GOLGB1: variants seen among roughly 807,000 people sequenced by gnomAD.
GOLGB1 encodes the protein golgin subfamily B member 1.
In GOLGB1, 174 loss-of-function variants were observed where a neutral mutation model predicts 336.9. That is an observed-to-expected ratio of 0.52 (90% CI 0.46 to 0.59). GOLGB1 has a LOEUF of 0.59. GOLGB1 is among the 20% of genes least tolerant of loss of function. GOLGB1 has a pLI of 0.00. For missense variants in GOLGB1, 3,331 were observed against 3,645.3 expected, an observed-to-expected ratio of 0.91 and a Z score of 2.22; for synonymous variants, 1,208 against 1,289.2, an observed-to-expected ratio of 0.94 and a Z score of 1.35.
intron 6 of GOLGB1, among the ~76,000 whole-genome samples, chr3:121,721,350 A>C (rs55643643): frequency 0.21 from 32,242 of 151,312 alleles, 4,090 homozygotes; most frequent in Non-Finnish European, 0.29. Flanking sequence ...CCCACCCCCC[A>C]AAAAAAATTA....
rs983694042 is a variant in GOLGB1, at chr3:121,702,397, T to C, written c.1519+84A>G. On this transcript the variant is annotated intron_variant, in intron 11 of 21. Coordinates refer to ENST00000614479, the MANE Select transcript of GOLGB1 (RefSeq NM_001366282.2). Reference sequence around the variant, plus strand: ...TTATTATCACGGAATCAGAGAATTCTACATGTTATACATAATTAGTGATAA... The same window carrying C: ...TTATTATCACGGAATCAGAGAATTCCACATGTTATACATAATTAGTGATAA... 5 of 505,264 alleles carry C rather than the reference T, an allele frequency of 9.9e-6. No individual in the cohort carries two copies. The Admixed American group carries it at 1.6e-4, about 17-fold the overall frequency. The allele number at this position is 505,264 out of a possible 1,614,324, so 31.3% of individuals were successfully genotyped here.
Position 121,691,546 on chromosome 3 carries a change from A to G in GOLGB1, c.7818T>C (p.Ser2606=), listed in dbSNP as rs762968595. The change falls in exon 14 of 22, where the codon TCT becomes TCC. Residue 2606 remains serine, a synonymous_variant. Transcript: ENST00000614479. ...ATACTTTCAAACTCTCAATCTCTTT[A>G]GATAAATCTTGTTTCTCTTCTTGTA... ...NALQEEKQDL[S]KEIESLKVSI... is the part of the protein sequence containing the mutation. 5.8e-5 allele frequency: 93 copies of G among 1,612,856 alleles called. No individual in the cohort carries two copies. Among genetic ancestry groups the G allele is most frequent in the Non-Finnish European group, 7.5e-5 (88 of 1,179,712 alleles).
At chr3:121,673,416 T>C (rs781664734) in intron 17 of GOLGB1, among the ~76,000 whole-genome samples, 11 of 152,214 alleles carry the variant, frequency 7.2e-5, no homozygotes, top group Admixed American at 2.0e-4. Flanking sequence ...TTAGGAGTTT[T>C]TGTGGTTACA....
chr3:121,700,736 C>A (rs929051112), intron 11 of GOLGB1, among the ~76,000 whole-genome samples: 1 of 151,980 alleles, frequency 6.6e-6, no homozygotes, highest in Non-Finnish European at 1.5e-5. Flanking sequence ...CTGCTTTTTT[C>A]TCTGCCTGGA....
At chr3:121,733,105 C>T (rs898955415) in intron 1 of GOLGB1, among the ~76,000 whole-genome samples, 1 of 151,644 alleles carries the variant, frequency 6.6e-6, no homozygotes, top group Non-Finnish European at 1.5e-5. Context: ...GGGCGGATCA[C>T]GAGGTCAGGA....
rs550435916 is a variant in GOLGB1 at position 121,724,239 on chromosome 3, A to G, written c.532-1861T>C. Among the ~76,000 whole-genome samples, 5 of 152,336 alleles carry G rather than the reference A, an allele frequency of 3.3e-5. No individual in the cohort carries two copies. In the East Asian group the frequency reaches 7.7e-4, roughly 23 times the overall value. On this transcript the variant is annotated intron_variant, in intron 5 of 21. Coordinates refer to ENST00000614479, the MANE Select transcript of GOLGB1 (RefSeq NM_001366282.2). ...AAGATAAGACAACTACAGAAAGCTT[A>G]GCACTCCTTGGAGATTGGTTAAGCG...
Position 121,697,686 on chromosome 3 carries a change from G to C in GOLGB1, c.2837C>G (p.Ala946Gly). 1 of 1,613,184 alleles carries C rather than the reference G, an allele frequency of 6.2e-7. No homozygotes were observed. The highest frequency in any genetic ancestry group is 8.5e-7 in the Non-Finnish European group (1 of 1,179,844). The stretch of plus-strand genomic sequence containing the variant: ...CACCTGCTCTTTTTTTGCTTCCTCA[G>C]CTCTGGATAATAAATTTAGCTGTTC... ...LKEQLNLLSR[A>G]EEAKKEQVEE... The change falls in exon 13 of 22, where the codon GCT becomes GGT. Residue 946 changes from alanine (A) to glycine (G), a missense_variant. Ala to Gly is a moderately conservative substitution (Grantham distance 60, BLOSUM62 0). Coordinates refer to ENST00000614479, the MANE Select transcript of GOLGB1 (RefSeq NM_001366282.2).
intron 10 of GOLGB1, among the ~76,000 whole-genome samples, chr3:121,709,767 G>A (rs1231713176): frequency 1.3e-5 from 2 of 151,982 alleles, no homozygotes; most frequent in Non-Finnish European, 2.9e-5. Flanking sequence ...ATAAAAAGAA[G>A]AGCAAAGTAA....
At position 121,667,479 on chromosome 3, in the gene GOLGB1, C is replaced by G; in HGVS notation, c.9551G>C (p.Arg3184Thr). 6.2e-7 allele frequency: 1 copy of G among 1,613,844 alleles called. No homozygotes were observed. The highest frequency in any genetic ancestry group is 8.5e-7 in the Non-Finnish European group (1 of 1,179,818). Residue 3184 changes from arginine (R) to threonine (T), a missense_variant, in exon 20 of 22, where the codon AGA becomes ACA. Arg to Thr is a moderately conservative substitution (Grantham distance 71). Transcript: ENST00000614479. ...NALSVAEEQI[R>T]RLEHSEWDSS... is the part of the protein sequence containing the mutation. Reference sequence around the variant, plus strand: ...GGCTATCTCCTTCAGCCTTTACCGTCTGATCTGCTCCTCGGCCACAGAGAG... The same window carrying G: ...GGCTATCTCCTTCAGCCTTTACCGTGTGATCTGCTCCTCGGCCACAGAGAG...
chr3:121,734,298 A>G (rs570488652), intron 1 of GOLGB1, among the ~76,000 whole-genome samples: 129 of 151,932 alleles, frequency 8.5e-4, no homozygotes, highest in African/African-American at 3.1e-3. Flanking sequence ...GCTGAGGCAC[A>G]AGAATCGGTT....
chr3:121,699,423 G>T (rs1248410566), intron 12 of GOLGB1, among the ~76,000 whole-genome samples: 2 of 152,040 alleles, frequency 1.3e-5, no homozygotes, highest in Admixed American at 6.6e-5. Context: ...GTAATTTTCA[G>T]ATTATTAAAA....
At chr3:121,672,365 A>G (rs1939662952) in intron 17 of GOLGB1, among the ~76,000 whole-genome samples, 1 of 152,132 alleles carries the variant, frequency 6.6e-6, no homozygotes. Context: ...TTGATTTACA[A>G]TTCTCTGATG....
chr3:121,664,338 T>G lies in GOLGB1; in HGVS notation c.*142A>C, dbSNP rs1938284410. On this transcript the variant is annotated 3_prime_UTR_variant, in exon 22 of 22. Coordinates refer to ENST00000614479, the MANE Select transcript of GOLGB1 (RefSeq NM_001366282.2). ...TCCAACCTGTCCTCGTATCCACCTC[T>G]GTTTTTGCAGGCACTTTCCGTGAAG... The G allele has an allele frequency of 1.3e-6, 1 of 756,786 alleles. No individual in the cohort carries two copies. The highest frequency in any genetic ancestry group is 2.3e-6 in the Non-Finnish European group (1 of 439,532). The allele number at this position is 756,786 out of a possible 1,614,324, so 46.9% of individuals were successfully genotyped here. A position where few individuals can be genotyped will look rare whatever the true frequency, so the allele number is the denominator to read the frequency against.
Position 121,692,343 on chromosome 3 carries a change from C to T in GOLGB1, c.7021G>A (p.Gly2341Arg), listed in dbSNP as rs896252301. ...TGCCTTATGATCCCTTCCAAGTTTC[C>T]TTTTTGTTCCTTACATTTTTCTAAA... ...NSLEKCKEQK[G>R]NLEGIIRQQE... Residue 2341 changes from glycine (G) to arginine (R), a missense_variant, in exon 14 of 22, where the codon GGA becomes AGA. Coordinates refer to ENST00000614479, the MANE Select transcript of GOLGB1 (RefSeq NM_001366282.2). The T allele has an allele frequency of 3.1e-6, 5 of 1,605,318 alleles. No individual in the cohort carries two copies. Among genetic ancestry groups the T allele is most frequent in the Non-Finnish European group, 3.4e-6 (4 of 1,177,788 alleles).
intron 5 of GOLGB1, among the ~76,000 whole-genome samples, chr3:121,724,051 A>T (rs985683622): frequency 5.3e-5 from 8 of 152,172 alleles, no homozygotes; most frequent in African/African-American, 1.9e-4. Flanking sequence ...CGCAAGAGAA[A>T]ACGGACTAAA....
intron 14 of GOLGB1, 72 bp from the exon 15 acceptor site, chr3:121,681,937 C>T: frequency 5.0e-6 from 5 of 1,006,236 alleles, no homozygotes; most frequent in East Asian, 2.4e-5. Context: ...ATTGGTAGCT[C>T]CCTACTAAGT....
At position 121,676,823 on chromosome 3, in the gene GOLGB1, C is replaced by A. The variant is rs981047381; in HGVS notation, c.9177+70G>T. ...CAGCTGGGACTCTATGCTGAATTGGCTTCTACTTGCCTTCTTGTTCCAGTC... is the reference window on the plus strand; with the variant it reads ...CAGCTGGGACTCTATGCTGAATTGGATTCTACTTGCCTTCTTGTTCCAGTC... On this transcript the variant is annotated intron_variant, in intron 17 of 21. Transcript: ENST00000614479. 5.1e-6 allele frequency: 7 copies of A among 1,374,236 alleles called. No homozygotes were observed. The African/African-American group carries it at 7.1e-5, about 14-fold the overall frequency. The allele number at this position is 1,374,236 out of a possible 1,614,324, so 85.1% of individuals were successfully genotyped here.
intron 4 of GOLGB1, among the ~76,000 whole-genome samples, chr3:121,728,526 T>C (rs1345102995): frequency 1.3e-5 from 2 of 152,206 alleles, no homozygotes; most frequent in Admixed American, 6.5e-5. Flanking sequence ...GTTCTCTAAA[T>C]AGCTGACTGA....
intron 10 of GOLGB1, among the ~76,000 whole-genome samples, chr3:121,713,555 T>C (rs948339385): frequency 6.6e-6 from 1 of 152,240 alleles, no homozygotes; most frequent in African/African-American, 2.4e-5. Flanking sequence ...ATGTATATGA[T>C]GCTGTGAAAC....
Sources: gnomAD v4.1 joint callset for allele counts (sites outside exome capture counted in the v4.1 genomes callset) on GRCh38, gnomAD v4.1.1 for gene constraint, MANE v1.5 for transcripts, NCBI Gene and HGNC (gene_info 2026-07-23, HGNC 2026-07-21) for gene names.